HMCN1: variants seen among roughly 807,000 people sequenced by gnomAD.
The protein encoded by HMCN1 is hemicentin-1.
A neutral mutation model predicts 625.9 loss-of-function variants in HMCN1; 321 were observed. The observed-to-expected ratio is 0.51, with a 90% confidence interval of 0.47 to 0.56. The LOEUF is 0.56. Ranked by LOEUF, HMCN1 falls within the 20% of genes least tolerant of loss-of-function variation. The pLI is 0.00. For missense variants in HMCN1, 6,588 were observed against 6,887.3 expected (o/e 0.96, Z 1.54); for synonymous variants, 2,425 against 2,417.6 (o/e 1.00, Z -0.09).
chr1:186,112,703 A>T, intron 71 of HMCN1, 109 bp from the exon 72 acceptor site: 1 of 1,319,682 alleles, frequency 7.6e-7, no homozygotes, highest in Non-Finnish European at 1.1e-6. Flanking sequence ...AAGCATGCTG[A>T]CAGACAGCAG....
chr1:186,141,072 C>G (rs992558840), intron 89 of HMCN1, among the ~76,000 whole-genome samples: 2 of 152,170 alleles, frequency 1.3e-5, no homozygotes, highest in African/African-American at 4.8e-5. Context: ...GGGACAGTGA[C>G]AGATCATCAG....
chr1:185,828,243 A>G (rs569419907), intron 1 of HMCN1, among the ~76,000 whole-genome samples: 14 of 152,284 alleles, frequency 9.2e-5, no homozygotes, highest in African/African-American at 2.9e-4. Flanking sequence ...AATAAGCCTT[A>G]TAAAAATGGA....
chr1:185,989,441 A>G, intron 20 of HMCN1, 47 bp from the exon 21 acceptor site: 3 of 1,598,164 alleles, frequency 1.9e-6, no homozygotes, highest in Non-Finnish European at 1.7e-6. Context: ...TAATCTTGAA[A>G]CAAACAAACA....
At chr1:186,013,758 TG>T in intron 30 of HMCN1, among the ~76,000 whole-genome samples, 1 of 152,118 alleles carries the variant, frequency 6.6e-6, no homozygotes, top group Non-Finnish European at 1.5e-5. Context: ...AAGAGCCAAT[TG>T]AAAGACCTCC....
intron 1 of HMCN1, among the ~76,000 whole-genome samples, chr1:185,736,829 T>A (rs2102060034): frequency 6.6e-6 from 1 of 152,276 alleles, no homozygotes; most frequent in Non-Finnish European, 1.5e-5. Context: ...ACTGAATAAG[T>A]TAGAGCTTTT....
chr1:185,834,505 T>C (rs1409028660), intron 1 of HMCN1, among the ~76,000 whole-genome samples: 2 of 152,164 alleles, frequency 1.3e-5, no homozygotes, highest in African/African-American at 4.8e-5. Flanking sequence ...CTCCATAGGG[T>C]AACAGGGTAG....
intron 15 of HMCN1, among the ~76,000 whole-genome samples, chr1:185,973,716 GTTACCAATGATTT>G (rs1230045011): frequency 4.6e-5 from 7 of 152,186 alleles, no homozygotes; most frequent in Non-Finnish European, 8.8e-5. Flanking sequence ...AACAGGGAAA[GTTACCAATGATTT>G]TTATCCTTTG....
At chr1:186,175,239 A>C (rs1474468468) in intron 103 of HMCN1, among the ~76,000 whole-genome samples, 1 of 152,238 alleles carries the variant, frequency 6.6e-6, no homozygotes, top group East Asian at 1.9e-4. Flanking sequence ...TTTGGTAAAA[A>C]TTAATGCATT....
chr1:185,936,706 A>G (rs1436072046), intron 11 of HMCN1, among the ~76,000 whole-genome samples: 2 of 152,214 alleles, frequency 1.3e-5, no homozygotes, highest in Non-Finnish European at 2.9e-5. Flanking sequence ...TTTCCCACCA[A>G]TGAAAATATT....
At chr1:186,184,249 TC>T (rs1159661176) in intron 105 of HMCN1, among the ~76,000 whole-genome samples, 1 of 152,238 alleles carries the variant, frequency 6.6e-6, no homozygotes, top group Non-Finnish European at 1.5e-5. Flanking sequence ...TATGCCTTTT[TC>T]TTTGCCCTGA....
intron 1 of HMCN1, among the ~76,000 whole-genome samples, chr1:185,839,182 C>T (rs1661340174): frequency 6.6e-6 from 1 of 152,122 alleles, no homozygotes; most frequent in African/African-American, 2.4e-5. Flanking sequence ...TTTACCTCTT[C>T]CTTCATAATT....
intron 26 of HMCN1, 21 bp from the exon 27 acceptor site, chr1:186,001,277 A>G (rs1452407664): frequency 2.5e-6 from 4 of 1,602,142 alleles, no homozygotes; most frequent in Non-Finnish European, 3.4e-6. Flanking sequence ...CTAGCTAGCT[A>G]TGACTCCTCT....
rs1558197167 is a variant in HMCN1, at chr1:186,073,145, G to A, written c.8140-1596G>A. On this transcript the variant is annotated intron_variant, in intron 52 of 106. Transcript: ENST00000271588. ...AAGGATTAAGCCTCAGGGTACTCCT[G>A]TATTTAAAGTTGGGGAGCAGGGAGC... Among the ~76,000 whole-genome samples, 3 of 152,118 alleles carry A rather than the reference G, an allele frequency of 2.0e-5. No individual in the cohort carries two copies. In the South Asian group the frequency reaches 6.2e-4, roughly 32 times the overall value.
At chr1:186,021,032 G>A (rs1210650393) in intron 35 of HMCN1, among the ~76,000 whole-genome samples, 1 of 152,100 alleles carries the variant, frequency 6.6e-6, no homozygotes, top group African/African-American at 2.4e-5. Flanking sequence ...AATTGGAGGA[G>A]CCAATAATAG....
rs952631523 is a variant in HMCN1 at position 185,892,154 on chromosome 1, A to T, written c.622-17183A>T. On this transcript the variant is annotated intron_variant, in intron 4 of 106. Coordinates refer to ENST00000271588, the MANE Select transcript of HMCN1 (RefSeq NM_031935.3). ...ACGTAGTTCTCGAGCCTTGGTTTTC[A>T]GCTCCATCAGCTCCTTTAAGCACCT... 1.3e-5 allele frequency among the ~76,000 whole-genome samples: 2 copies of T among 148,594 alleles called. 1 individual carries two copies. The highest frequency in any genetic ancestry group is 5.3e-5 in the African/African-American group (2 of 38,014).
chr1:185,893,685 T>C (rs1027943083), intron 4 of HMCN1, among the ~76,000 whole-genome samples: 2 of 152,200 alleles, frequency 1.3e-5, no homozygotes, highest in Admixed American at 1.3e-4. Flanking sequence ...TTAGTGAAAC[T>C]ATTTTAATTA....
chr1:185,892,033 C>G (rs577196556), intron 4 of HMCN1, among the ~76,000 whole-genome samples: 7 of 151,528 alleles, frequency 4.6e-5, no homozygotes, highest in Non-Finnish European at 1.0e-4. Context: ...TTTCTCTAAA[C>G]TTTCCTTCTC....
intron 76 of HMCN1, 24 bp from the exon 77 acceptor site, chr1:186,117,434 CT>C: frequency 6.2e-7 from 1 of 1,611,154 alleles, no homozygotes; most frequent in Non-Finnish European, 8.5e-7. Flanking sequence ...AGTTTTTTCC[CT>C]TTTTGTTGTT....
intron 1 of HMCN1, among the ~76,000 whole-genome samples, chr1:185,772,849 T>C (rs1656339126): frequency 6.6e-6 from 1 of 152,154 alleles, no homozygotes. Context: ...TTTTCTCACA[T>C]GGTAGAAGGT....
Sources: allele counts gnomAD v4.1 joint callset (sites outside exome capture counted in the v4.1 genomes callset), GRCh38; gene constraint gnomAD v4.1.1; transcripts MANE v1.5; gene names NCBI Gene and HGNC (gene_info 2026-07-23, HGNC 2026-07-21).